The following IFT140 variants were observed in gnomAD, a reference collection of about 807,000 sequenced individuals.
The protein encoded by IFT140 is intraflagellar transport protein 140 homolog.
IFT140 carries 133 observed loss-of-function variants against 164.6 expected under a neutral mutation model. The observed-to-expected ratio is 0.81, with a 90% confidence interval of 0.70 to 0.93. IFT140 has a LOEUF of 0.93. Among genes scored for constraint, IFT140 ranks in the 40% least tolerant of loss-of-function variants. The probability of loss-of-function intolerance (pLI) is 0.00; values close to 1 mark genes in which losing one functional copy is unlikely to be tolerated. For missense variants in IFT140, 2,045 were observed against 1,972.3 expected (o/e 1.04, Z -0.70); for synonymous variants, 860 against 817.3 (o/e 1.05, Z -0.89).
intron 17 of IFT140, among the ~76,000 whole-genome samples, chr16:1,562,852 C>T (rs187636956): frequency 1.3e-5 from 2 of 152,250 alleles, no homozygotes; most frequent in East Asian, 1.9e-4. Flanking sequence ...ACAGGGAACA[C>T]GCAGCACAGA....
At position 1,592,240 on chromosome 16, in the gene IFT140, A is replaced by C. The variant is rs767008075; in HGVS notation, c.570T>G (p.Ser190Arg). 44 of 1,614,068 alleles carry C rather than the reference A, an allele frequency of 2.7e-5. No individual in the cohort carries two copies. Among genetic ancestry groups the C allele is most frequent in the Non-Finnish European group, 3.6e-5 (43 of 1,180,038 alleles). The change falls in exon 6 of 31, where the codon AGT becomes AGG. Residue 190 changes from serine (S) to arginine (R), a missense_variant. Ser to Arg is a moderately radical substitution (Grantham distance 110). Coordinates refer to ENST00000426508, the MANE Select transcript of IFT140 (RefSeq NM_014714.4). ...ACCCCATCTTCAGCAAACTTCCAGAACTGCTCTTCTTCCAGTTAAACATGT... is the reference window on the plus strand; with the variant it reads ...ACCCCATCTTCAGCAAACTTCCAGACCTGCTCTTCTTCCAGTTAAACATGT... ...ALDMFNWKKS[S>R]SGSLLKMGSH...
intron 19 of IFT140, among the ~76,000 whole-genome samples, chr16:1,549,407 C>T (rs760465921): frequency 6.6e-6 from 1 of 152,244 alleles, no homozygotes; most frequent in Non-Finnish European, 1.5e-5. Context: ...CGGCTCCAGA[C>T]GCACCCCAGG....
intron 11 of IFT140, 112 bp downstream of exon 11, chr16:1,584,105 T>C (rs2034731763): frequency 1.3e-6 from 1 of 766,168 alleles, no homozygotes. Flanking sequence ...GAATCTAGGA[T>C]GGAACTGAGA....
chr16:1,525,977 T>C lies in IFT140; in HGVS notation c.2678A>G (p.Glu893Gly), dbSNP rs766912676. 6 of 1,592,350 alleles carry C rather than the reference T, an allele frequency of 3.8e-6. No homozygotes were observed. The African/African-American group carries it at 6.7e-5, about 18-fold the overall frequency. Reference protein sequence around the residue: ...GRWQEALQVAEHHDRVHLRST... With the variant: ...GRWQEALQVAGHHDRVHLRST... Reference sequence around the variant, plus strand: ...GCGCAGGTGCACGCGATCGTGGTGCTCGGCTACCTGGAGGGCCTCCTGCCA... The same window carrying C: ...GCGCAGGTGCACGCGATCGTGGTGCCCGGCTACCTGGAGGGCCTCCTGCCA... The change falls in exon 21 of 31, where the codon GAG (glutamate) becomes GGG (glycine). Residue 893 changes from glutamate to glycine, a missense_variant. Physicochemically the swap from Glu to Gly is moderately conservative, Grantham distance 98. Coordinates refer to ENST00000426508, the MANE Select transcript of IFT140 (RefSeq NM_014714.4).
intron 21 of IFT140, 115 bp downstream of exon 21, chr16:1,525,772 G>T: frequency 9.1e-7 from 1 of 1,104,394 alleles, no homozygotes; most frequent in Non-Finnish European, 1.2e-6. Context: ...ACCACCCTGA[G>T]ACAGACGCCT....
intron 19 of IFT140, chr16:1,554,838 C>T: frequency 6.2e-7 from 1 of 1,614,252 alleles, no homozygotes; most frequent in Non-Finnish European, 8.5e-7. Context: ...ATACACCAAC[C>T]TGTCCTGGTC....
rs931094894 is a variant in IFT140, at chr16:1,571,531, T to C, written c.1528A>G (p.Thr510Ala). Residue 510 changes from threonine (T) to alanine (A), a missense_variant, in exon 14 of 31, where the codon ACT becomes GCT. Transcript: ENST00000426508. ...GAGAAAAGGAGGAGTTGTTTGACAG[T>C]CCCCTGAGGAAAAGGAACAAGAAAT... ...NRVQVRTWQG[T>A]VKQLLLFSET... 6.2e-7 allele frequency: 1 copy of C among 1,609,506 alleles called. No homozygotes were observed.
In IFT140 at chr16:1,513,881, G is replaced by A. The variant is rs926422978; in HGVS notation, c.4183-2731C>T. On this transcript the variant is annotated intron_variant, in intron 30 of 30. Coordinates refer to ENST00000426508, the MANE Select transcript of IFT140 (RefSeq NM_014714.4). ...GTAGAGACGGGGTTTCACCGTGTTA[G>A]CCAAGATGGTCTCCATCTCCTGACC... Among the ~76,000 whole-genome samples the A allele has an allele frequency of 3.5e-5, 5 of 142,510 alleles. 1 individual carries two copies. The highest frequency in any genetic ancestry group is 2.0e-4 in the Admixed American group (3 of 14,654). The allele number at this position is 142,510 out of a possible 152,430, so 93.5% of individuals were successfully genotyped here.
At chr16:1,589,101 C>T (rs1453825018) in intron 7 of IFT140, among the ~76,000 whole-genome samples, 1 of 152,214 alleles carries the variant, frequency 6.6e-6, no homozygotes, top group East Asian at 1.9e-4. Context: ...TGTCCTCAGC[C>T]GCCCTTACAG....
At chr16:1,545,468 G>A (rs954173856) in intron 19 of IFT140, among the ~76,000 whole-genome samples, 1 of 152,262 alleles carries the variant, frequency 6.6e-6, no homozygotes. Context: ...AGGACAGAAA[G>A]TAGCTATGTG....
At chr16:1,568,478 G>T in intron 14 of IFT140, 144 bp from the exon 15 acceptor site, 1 of 654,708 alleles carries the variant, frequency 1.5e-6, no homozygotes, top group Non-Finnish European at 2.6e-6. Flanking sequence ...GCACCATGAG[G>T]TGGGGCAAAC....
chr16:1,566,190 CG>C lies in IFT140; in HGVS notation c.1871del (p.Thr624SerfsTer20). 1 of 1,613,712 alleles carries C rather than the reference CG, an allele frequency of 6.2e-7. No individual in the cohort carries two copies. On this transcript the variant is annotated frameshift_variant, in exon 16 of 31. Coordinates refer to ENST00000426508, the MANE Select transcript of IFT140 (RefSeq NM_014714.4). LOFTEE classifies it high-confidence loss of function. ...TAGTCTCTTGCTCATTAAAGGACAG[CG>C]TCTCTCTCCGATCAATTTGTCCAGT... ...FKTGQIDRRE[T>X]LSFNEQETNK...
chr16:1,602,529 G>A lies in IFT140; in HGVS notation c.210C>T (p.His70=), dbSNP rs145160997. 9.6e-5 allele frequency: 155 copies of A among 1,614,120 alleles called. No homozygotes were observed. The highest frequency in any genetic ancestry group is 1.2e-4 in the Non-Finnish European group (143 of 1,180,036). Residue 70 remains histidine, a synonymous_variant, in exon 4 of 31, where the codon CAC becomes CAT. Transcript: ENST00000426508. ...CCACAGCCAGCACCAGCCGCGTCGG[G>A]TGCCAGCACAGGGAAGCAACCCGGA... is the stretch of plus-strand genomic sequence containing the variant. ...RPFRVASLCW[H]PTRLVLAVGW...
intron 20 of IFT140, chr16:1,526,369 G>A: frequency 1.0e-5 from 6 of 589,598 alleles, no homozygotes; most frequent in South Asian, 2.1e-5. Flanking sequence ...TGACCTGGGG[G>A]TCTCTCGGGC....
rs532314838 is a variant in IFT140 at position 1,551,078 on chromosome 16, G to A, written c.2399+6857C>T. 2.6e-5 allele frequency among the ~76,000 whole-genome samples: 4 copies of A among 152,244 alleles called. No individual in the cohort carries two copies. The highest frequency in any genetic ancestry group is 4.2e-4 in the South Asian group (2 of 4,818). On this transcript the variant is annotated intron_variant, in intron 19 of 30. Coordinates refer to ENST00000426508, the MANE Select transcript of IFT140 (RefSeq NM_014714.4). The surrounding 1 kb of genome is among the most constrained non-coding windows in gnomAD (Gnocchi z 4.0). ...ACTGCCAAGGCTGCTGTTCCTCCTC[G>A]CCTTTCCCGCAGCTCCACACTGCAT...
intron 24 of IFT140, 89 bp from the exon 25 acceptor site, chr16:1,524,045 G>T: frequency 6.6e-7 from 1 of 1,509,082 alleles, no homozygotes; most frequent in East Asian, 2.3e-5. Context: ...GTGCGAACCC[G>T]CCCCTTCACT....
intron 3 of IFT140, 55 bp from the exon 4 acceptor site, chr16:1,602,646 A>G: frequency 6.5e-7 from 1 of 1,544,074 alleles, no homozygotes; most frequent in Non-Finnish European, 8.8e-7. Flanking sequence ...GCTACTTTTA[A>G]GAACTTCTGT....
chr16:1,553,583 C>A lies in IFT140; in HGVS notation c.2399+4352G>T. The A allele has an allele frequency of 9.8e-7, 1 of 1,023,516 alleles. No individual in the cohort carries two copies. The highest frequency in any genetic ancestry group is 1.2e-6 in the Non-Finnish European group (1 of 851,352). 63.4% of individuals were successfully genotyped at this position (1,023,516 alleles called of 1,614,324 possible). A position where few individuals can be genotyped will look rare whatever the true frequency, so the allele number is the denominator to read the frequency against. On this transcript the variant is annotated intron_variant, in intron 19 of 30. Coordinates refer to ENST00000426508, the MANE Select transcript of IFT140 (RefSeq NM_014714.4). This position sits in a 1 kb window ranked among gnomAD's most constrained non-coding sequence, Gnocchi z 4.4. ...GTTTAATCTGGACCAGTGTAAGTTA[C>A]AGAGAGTCTCTGGCACTTTGGGTAC...
intron 19 of IFT140, among the ~76,000 whole-genome samples, chr16:1,544,550 GA>G (rs1567351941): frequency 6.6e-6 from 1 of 151,912 alleles, no homozygotes. Context: ...AGCTGGTCTC[GA>G]ACTCCTGATC....
Sources: allele counts gnomAD v4.1 joint callset (sites outside exome capture counted in the v4.1 genomes callset), GRCh38; gene constraint gnomAD v4.1.1; non-coding constraint Gnocchi (gnomAD v3.1); transcripts MANE v1.5; gene names NCBI Gene and HGNC (gene_info 2026-07-23, HGNC 2026-07-21).